PPWD1: variants seen among roughly 807,000 people sequenced by gnomAD.
PPWD1 encodes peptidylprolyl isomerase domain and WD repeat-containing protein 1.
A neutral mutation model predicts 68.8 loss-of-function variants in PPWD1; 43 were observed. The observed-to-expected ratio is 0.62, with a 90% CI of 0.49 to 0.81. The LOEUF (loss-of-function observed/expected upper bound fraction) is 0.81. PPWD1 is among the 30% of genes least tolerant of loss of function. The pLI, the probability that PPWD1 is intolerant of heterozygous loss-of-function variation, is 0.00. For synonymous variants in PPWD1, 232 were observed against 258.7 expected, an observed-to-expected ratio of 0.90 and a Z score of 0.99; for missense variants, 672 against 804.8, an observed-to-expected ratio of 0.83 and a Z score of 2.00.
rs777001294 is a variant in PPWD1 at position 65,583,211 on chromosome 5, T to C, written c.1524T>C (p.Phe508=). The C allele has an allele frequency of 6.3e-7, 1 of 1,584,032 alleles. No homozygotes were observed. The highest frequency in any genetic ancestry group is 2.3e-5 in the East Asian group (1 of 44,404). ...TSMGDIHTKL[F]PVECPKTVEN... is the part of the protein sequence containing the mutation. The stretch of plus-strand genomic sequence containing the variant: ...TGGGAGACATTCACACCAAACTTTT[T>C]CCTGTTGAGTATGTATAACAACTGT... Residue 508 remains phenylalanine, a synonymous_variant, in exon 8 of 11, where the codon TTT becomes TTC. Transcript: ENST00000261308.
chr5:65,585,286 G>C (rs115121054), intron 9 of PPWD1, among the ~76,000 whole-genome samples, 191 bp downstream of exon 9: 80 of 152,262 alleles, frequency 5.3e-4, no homozygotes, highest in Non-Finnish European at 9.0e-4. Flanking sequence ...AGGAATAGTG[G>C]CATGATTAGA....
In PPWD1 at chr5:65,587,421, G is replaced by A. The variant is rs547411232; in HGVS notation, c.*25G>A. Reference sequence around the variant, plus strand: ...AAATAAGATTTGTTTTAATGTACTTGCAAATAAAAATACAATATTAAACAG... The same window carrying A: ...AAATAAGATTTGTTTTAATGTACTTACAAATAAAAATACAATATTAAACAG... On this transcript the variant is annotated 3_prime_UTR_variant, in exon 11 of 11. Transcript: ENST00000261308. 20 of 1,555,988 alleles carry A rather than the reference G, an allele frequency of 1.3e-5. No homozygotes were observed. In the South Asian group the frequency reaches 1.4e-4, roughly 11 times the overall value.
rs1379092415 is a variant in PPWD1, at chr5:65,567,800, A to C, written c.299+185A>C. 8 of 1,118,668 alleles carry C rather than the reference A, an allele frequency of 7.2e-6. No homozygotes were observed. The African/African-American group carries it at 1.3e-4, about 18-fold the overall frequency. The allele number at this position is 1,118,668 out of a possible 1,614,324, so 69.3% of individuals were successfully genotyped here. A position where few individuals can be genotyped will look rare whatever the true frequency, so the allele number is the denominator to read the frequency against. On this transcript the variant is annotated intron_variant, in intron 2 of 10. Coordinates refer to ENST00000261308, the MANE Select transcript of PPWD1 (RefSeq NM_015342.4). Reference sequence around the variant, plus strand: ...CAAATAATGCATTCTCTAAGATAGAACCCCTGAGTTTATATGTATGTCTTT... The same window carrying C: ...CAAATAATGCATTCTCTAAGATAGACCCCCTGAGTTTATATGTATGTCTTT...
chr5:65,580,834 A>C (rs979116536), intron 7 of PPWD1, among the ~76,000 whole-genome samples: 6 of 152,022 alleles, frequency 3.9e-5, no homozygotes, highest in African/African-American at 1.4e-4. Flanking sequence ...TTTTAACATC[A>C]AGTCTGAGTT....
At chr5:65,576,840 GTA>G in intron 5 of PPWD1, 37 bp from the exon 6 acceptor site, 2 of 1,591,542 alleles carry the variant, frequency 1.3e-6, no homozygotes, top group Non-Finnish European at 1.7e-6. Context: ...ATAGGTATAT[GTA>G]TATAGAGTTT....
At chr5:65,570,271 C>G in intron 4 of PPWD1, 1 of 908,614 alleles carries the variant, frequency 1.1e-6, no homozygotes, top group South Asian at 5.1e-5. Flanking sequence ...ATTACTGGAG[C>G]TCTGTCATAT....
In PPWD1 at chr5:65,572,419, T is replaced by G. The variant is rs549723682; in HGVS notation, c.969+133T>G. The G allele has an allele frequency of 1.1e-3, 1,054 of 954,948 alleles. 3 individuals carry two copies. The highest frequency in any genetic ancestry group is 1.4e-3 in the Non-Finnish European group (906 of 659,936). The allele number at this position is 954,948 out of a possible 1,614,324, so 59.2% of individuals were successfully genotyped here. ...TTTTTTTCTTAGCACATTAGAGATA[T>G]TCAACTGTTTCTGTCTTGTAGTGTT... On this transcript the variant is annotated intron_variant, in intron 5 of 10. Transcript: ENST00000261308.
intron 6 of PPWD1, among the ~76,000 whole-genome samples, chr5:65,577,503 T>C (rs1753352489): frequency 6.6e-6 from 1 of 152,166 alleles, no homozygotes; most frequent in Non-Finnish European, 1.5e-5. Flanking sequence ...TTGGTCTTAG[T>C]ACAAAATAGC....
At chr5:65,585,844 A>G (rs1426098267) in intron 9 of PPWD1, 155 bp from the exon 10 acceptor site, 6 of 835,586 alleles carry the variant, frequency 7.2e-6, no homozygotes, top group Non-Finnish European at 8.5e-6. Flanking sequence ...ATGGAAATAC[A>G]TCATCCAAAT....
intron 6 of PPWD1, among the ~76,000 whole-genome samples, chr5:65,578,690 GTGTTT>G (rs1385047682): frequency 2.7e-5 from 4 of 147,528 alleles, no homozygotes; most frequent in Non-Finnish European, 4.5e-5. Context: ...TCTTATTGTT[GTGTTT>G]TAAGAGTTCT....
chr5:65,578,660 A>G (rs183326096), intron 6 of PPWD1, among the ~76,000 whole-genome samples: 10 of 150,332 alleles, frequency 6.7e-5, no homozygotes, highest in Admixed American at 2.0e-4. Context: ...TCCTTGGGAC[A>G]TTTTTTAATT....
At chr5:65,578,800 A>G (rs1753450015) in intron 6 of PPWD1, among the ~76,000 whole-genome samples, 1 of 95,538 alleles carries the variant, frequency 1.0e-5, no homozygotes, top group South Asian at 2.8e-4. Context: ...ATATATACAT[A>G]TATATGTGTA....
At chr5:65,583,287 C>G (rs1753681294) in intron 8 of PPWD1, 68 bp downstream of exon 8, 5 of 1,313,882 alleles carry the variant, frequency 3.8e-6, no homozygotes, top group East Asian at 2.6e-5. Flanking sequence ...CTGAAGAAAC[C>G]ATGCAACTTA....
rs1405751186 is a variant in PPWD1 at position 65,569,800 on chromosome 5, A to T, written c.400+68A>T. On this transcript the variant is annotated intron_variant, in intron 3 of 10. Transcript: ENST00000261308. ...ATACTAATTAAAGTTTAAATTTTTT[A>T]AATTTTTTTTCTTTGAATCATGCAC... is the stretch of plus-strand genomic sequence containing the variant. The T allele has an allele frequency of 1.6e-5, 25 of 1,550,896 alleles. No individual in the cohort carries two copies. The East Asian group carries it at 4.4e-4, about 27-fold the overall frequency.
At position 65,581,148 on chromosome 5, in the gene PPWD1, A is replaced by G. The variant is rs539851844; in HGVS notation, c.1350+1535A>G. On this transcript the variant is annotated intron_variant, in intron 7 of 10. Transcript: ENST00000261308. ...GTTTCCCTACCCCAACCAACCTTCC[A>G]TCTAAATGGGTAAATACTTTTAAGA... 4.6e-5 allele frequency among the ~76,000 whole-genome samples: 7 copies of G among 152,332 alleles called. No homozygotes were observed. In the South Asian group the frequency reaches 1.4e-3, roughly 32 times the overall value.
chr5:65,568,876 ACT>A, intron 2 of PPWD1: 1 of 455,036 alleles, frequency 2.2e-6, no homozygotes, highest in Non-Finnish European at 4.4e-6. Flanking sequence ...CATTGCTGTC[ACT>A]CTCTTCTCAA....
At position 65,573,531 on chromosome 5, in the gene PPWD1, TTTTTTTTTTTTTTTTTTTTTTTA is replaced by T. The variant is rs1244031406; in HGVS notation, c.969+1246_969+1268del. On this transcript the variant is annotated intron_variant, in intron 5 of 10. Coordinates refer to ENST00000261308, the MANE Select transcript of PPWD1 (RefSeq NM_015342.4). ...AGTACAGATGGTTTTTTTTTTTTTT[TTTTTTTTTTTTTTTTTTTTTTTA>T]AGTACAGACGGGTTTCACCGTGTTA... Among the ~76,000 whole-genome samples, 36 of 47,318 alleles carry T rather than the reference TTTTTTTTTTTTTTTTTTTTTTTA, an allele frequency of 7.6e-4. 2 individuals are homozygous for T. The highest frequency in any genetic ancestry group is 1.7e-3 in the African/African-American group (18 of 10,844). 31.0% of individuals were successfully genotyped at this position (47,318 alleles called of 152,430 possible). A position where few individuals can be genotyped will look rare whatever the true frequency, so the allele number is the denominator to read the frequency against.
At chr5:65,574,865 A>T (rs367659519) in intron 5 of PPWD1, among the ~76,000 whole-genome samples, 2 of 152,380 alleles carry the variant, frequency 1.3e-5, no homozygotes, top group South Asian at 4.1e-4. Flanking sequence ...AGGTGACAAG[A>T]AGTCAGTAGT....
chr5:65,585,872 A>C (rs908505432), intron 9 of PPWD1, 127 bp from the exon 10 acceptor site: 118 of 1,404,742 alleles, frequency 8.4e-5, no homozygotes, highest in Non-Finnish European at 1.0e-4. Flanking sequence ...TTAAGGGTTT[A>C]ATCAAATCAC....
Sources: allele counts gnomAD v4.1 joint callset (sites outside exome capture counted in the v4.1 genomes callset), GRCh38; gene constraint gnomAD v4.1.1; transcripts MANE v1.5; gene names NCBI Gene and HGNC (gene_info 2026-07-23, HGNC 2026-07-21).